Variants in ZFAT observed in about 807,000 individuals in gnomAD.
ZFAT encodes zinc finger and AT-hook domain containing.
A neutral mutation model predicts 117.7 loss-of-function variants in ZFAT; 64 were observed. That is an observed-to-expected ratio of 0.54 (90% CI 0.44 to 0.67). The LOEUF is 0.67. ZFAT is among the 30% of genes least tolerant of loss of function. ZFAT has a pLI of 0.00. For missense variants in ZFAT, 1,433 were observed against 1,584.5 expected (o/e 0.90, Z 1.62); for synonymous variants, 679 against 615.0 (o/e 1.10, Z -1.54).
chr8:134,750,158 A>G, the ZFAT span, among the ~76,000 whole-genome samples: 1 of 152,204 alleles, frequency 6.6e-6, no homozygotes, highest in Non-Finnish European at 1.5e-5. Flanking sequence ...AATATCTCTC[A>G]GTAAGTTTTA....
the ZFAT span, among the ~76,000 whole-genome samples, chr8:134,805,749 G>A: frequency 1.3e-5 from 2 of 152,162 alleles, no homozygotes; most frequent in Non-Finnish European, 2.9e-5. Context: ...GAGGCAGGTG[G>A]ATGGGTAGAT....
chr8:134,677,852 G>A (rs990143428), intron 1 of ZFAT, among the ~76,000 whole-genome samples: 1 of 151,966 alleles, frequency 6.6e-6, no homozygotes, highest in Admixed American at 6.6e-5. Flanking sequence ...CAAAAACCAC[G>A]ATTATCTCAA....
At chr8:134,795,154 G>A in the ZFAT span, 2 of 152,110 alleles carry the variant, frequency 1.3e-5, no homozygotes, top group South Asian at 4.2e-4. Context: ...AAAGCCCTTG[G>A]AATCTCTGAA....
chr8:134,502,122 C>T (rs189497361), intron 15 of ZFAT, among the ~76,000 whole-genome samples: 75 of 152,178 alleles, frequency 4.9e-4, no homozygotes, highest in Middle Eastern at 6.8e-3. Context: ...TTTCTAGATC[C>T]CCCCTCCTCA....
At chr8:134,630,598 C>A (rs374727911) in intron 3 of ZFAT, among the ~76,000 whole-genome samples, 1 of 151,528 alleles carries the variant, frequency 6.6e-6, no homozygotes, top group Non-Finnish European at 1.5e-5. Context: ...CTAAGATGAC[C>A]CCAGAAATAA....
chr8:134,551,817 A>G (rs1823189600), intron 11 of ZFAT, among the ~76,000 whole-genome samples: 1 of 152,158 alleles, frequency 6.6e-6, no homozygotes, highest in Admixed American at 6.5e-5. Flanking sequence ...TGCCTCGTGT[A>G]TTTTGTACAT....
chr8:134,484,905 C>T (rs1475774153), intron 15 of ZFAT, among the ~76,000 whole-genome samples: 1 of 152,178 alleles, frequency 6.6e-6, no homozygotes, highest in African/African-American at 2.4e-5. Flanking sequence ...AAGAGTTCCT[C>T]CCGCCTCAGC....
the ZFAT span, among the ~76,000 whole-genome samples, chr8:134,821,877 A>G: frequency 2.0e-5 from 3 of 152,158 alleles, no homozygotes; most frequent in Non-Finnish European, 4.4e-5. Flanking sequence ...CCCAAACAGC[A>G]TTTCTTTTCT....
At chr8:134,520,830 T>A (rs1417860792) in intron 13 of ZFAT, 53 bp downstream of exon 13, 1 of 1,458,556 alleles carries the variant, frequency 6.9e-7, no homozygotes, top group East Asian at 2.3e-5. Flanking sequence ...TTTGCCTGGT[T>A]TGTCATCTGT....
At chr8:134,516,441 T>A (rs973442749) in intron 13 of ZFAT, among the ~76,000 whole-genome samples, 2 of 152,188 alleles carry the variant, frequency 1.3e-5, no homozygotes, top group African/African-American at 4.8e-5. Context: ...TAATTTTTCA[T>A]GTGTTAGTTG....
At chr8:134,799,507 A>G in the ZFAT span, among the ~76,000 whole-genome samples, 1 of 152,242 alleles carries the variant, frequency 6.6e-6, no homozygotes, top group Non-Finnish European at 1.5e-5. Context: ...CGTTTAGACC[A>G]ATCAGTACAT....
intron 15 of ZFAT, among the ~76,000 whole-genome samples, chr8:134,492,592 C>A (rs933036462): frequency 6.6e-6 from 1 of 152,198 alleles, no homozygotes; most frequent in Non-Finnish European, 1.5e-5. Context: ...TAAATTATAA[C>A]CAAGCAATAG....
intron 1 of ZFAT, among the ~76,000 whole-genome samples, chr8:134,709,195 G>A (rs576145371): frequency 6.6e-6 from 1 of 152,284 alleles, no homozygotes; most frequent in South Asian, 2.1e-4. Context: ...GATGTGGGAG[G>A]GTGGCCTGAG....
chr8:134,767,050 C>T, the ZFAT span: 1 of 152,218 alleles, frequency 6.6e-6, no homozygotes. Flanking sequence ...TACTCCAGGG[C>T]ATATTCTGTT....
the ZFAT span, chr8:134,795,044 A>C: frequency 6.6e-6 from 1 of 152,160 alleles, no homozygotes; most frequent in East Asian, 1.9e-4. Flanking sequence ...AGGTCACAAA[A>C]ATGGCAAGTG....
At chr8:134,808,222 A>C in the ZFAT span, among the ~76,000 whole-genome samples, 1 of 152,192 alleles carries the variant, frequency 6.6e-6, no homozygotes, top group Non-Finnish European at 1.5e-5. Flanking sequence ...TGTGAACGCT[A>C]GGCCCTGGGA....
Position 134,588,349 on chromosome 8 carries a change from C to T in ZFAT, c.2610G>A (p.Gln870=). Reference sequence around the variant, plus strand: ...CTCTCTTTCCAATTAGCCCTTTCAGCTGAACCCTCCTCCCGAGAACCTCAG... The same window carrying T: ...CTCTCTTTCCAATTAGCCCTTTCAGTTGAACCCTCCTCCCGAGAACCTCAG... ...TISEVLGRRV[Q]LKGLIGKRAM... is the part of the protein sequence containing the mutation. Residue 870 remains glutamine, a synonymous_variant, in exon 9 of 16, where the codon CAG becomes CAA. Transcript: ENST00000377838. 6.3e-7 allele frequency: 1 copy of T among 1,593,812 alleles called. No individual in the cohort carries two copies. Among genetic ancestry groups the T allele is most frequent in the South Asian group, 1.2e-5 (1 of 86,922 alleles).
intron 3 of ZFAT, among the ~76,000 whole-genome samples, chr8:134,634,165 T>TA (rs1172546939): frequency 6.6e-6 from 1 of 152,142 alleles, no homozygotes; most frequent in Non-Finnish European, 1.5e-5. Flanking sequence ...AACTGTAGCA[T>TA]AAAAAAGCGC....
At chr8:134,498,287 G>C (rs549610676) in intron 15 of ZFAT, among the ~76,000 whole-genome samples, 234 of 149,564 alleles carry the variant, frequency 1.6e-3, no homozygotes, top group Non-Finnish European at 2.6e-3. Flanking sequence ...TGCCCCTGCT[G>C]CTGGTTACAC....
Sources: allele counts gnomAD v4.1 joint callset (sites outside exome capture counted in the v4.1 genomes callset), GRCh38; gene constraint gnomAD v4.1.1; transcripts MANE v1.5; gene names NCBI Gene and HGNC (gene_info 2026-07-23, HGNC 2026-07-21).